The following TXNDC8 variants were observed in gnomAD, a reference collection of about 807,000 sequenced individuals.
TXNDC8 encodes thioredoxin domain containing 8.
In TXNDC8, 15 loss-of-function variants were observed where a neutral mutation model predicts 12.9. The observed-to-expected ratio is 1.16, with a 90% CI of 0.78 to 1.79. The LOEUF is 1.79. Ranked by LOEUF, TXNDC8 falls within the 40% of genes most tolerant of loss-of-function variation. The pLI is 0.00. For synonymous variants in TXNDC8, 40 were observed against 35.4 expected (o/e 1.13, Z -0.46); for missense variants, 128 against 113.2 (o/e 1.13, Z -0.59).
intron 3 of TXNDC8, chr9:110,324,028 C>T (rs1839214025): frequency 6.5e-7 from 1 of 1,545,338 alleles, no homozygotes; most frequent in African/African-American, 1.4e-5. Flanking sequence ...GATAAGAATG[C>T]AAAAGGGAGT....
intron 3 of TXNDC8, among the ~76,000 whole-genome samples, chr9:110,319,591 G>T (rs1254076282): frequency 2.0e-5 from 3 of 152,228 alleles, no homozygotes; most frequent in Non-Finnish European, 4.4e-5. Context: ...ACCTGCAGTT[G>T]TCTGACTCTA....
At chr9:110,336,028 A>T (rs1020098826) in intron 1 of TXNDC8, among the ~76,000 whole-genome samples, 1 of 152,160 alleles carries the variant, frequency 6.6e-6, no homozygotes, top group African/African-American at 2.4e-5. Flanking sequence ...CAGTCTAAAA[A>T]TATCTGACGG....
chr9:110,329,005 A>C (rs1419220200), intron 2 of TXNDC8, among the ~76,000 whole-genome samples: 1 of 152,158 alleles, frequency 6.6e-6, no homozygotes, highest in Non-Finnish European at 1.5e-5. Context: ...AAGAGGGGAG[A>C]GGGGTATCAG....
At chr9:110,334,797 G>A (rs1839684482) in intron 1 of TXNDC8, among the ~76,000 whole-genome samples, 1 of 151,984 alleles carries the variant, frequency 6.6e-6, no homozygotes, top group Non-Finnish European at 1.5e-5. Context: ...CTATAATACT[G>A]GATTTTTATT....
rs191715894 is a variant in TXNDC8 at position 110,323,071 on chromosome 9, G to C, written c.195+3104C>G. 4.1e-6 allele frequency: 4 copies of C among 985,386 alleles called. No individual in the cohort carries two copies. The South Asian group carries it at 1.4e-4, about 35-fold the overall frequency. 61.0% of individuals were successfully genotyped at this position (985,386 alleles called of 1,614,324 possible). ...AGCCTTGATTCTATAGGCAATGGAG[G>C]GGGAGGACATCACATGTTAAAAAAG... is the stretch of plus-strand genomic sequence containing the variant. On this transcript the variant is annotated intron_variant, in intron 3 of 4. Coordinates refer to ENST00000423740, the MANE Select transcript of TXNDC8 (RefSeq NM_001286946.2).
intron 3 of TXNDC8, among the ~76,000 whole-genome samples, chr9:110,311,338 G>A (rs1473505700): frequency 6.6e-6 from 1 of 150,606 alleles, no homozygotes; most frequent in East Asian, 1.9e-4. Context: ...TCATTATTTG[G>A]GTATTTTTCA....
At chr9:110,305,801 TCTTTTCTTTC>T (rs757434706) in intron 3 of TXNDC8, among the ~76,000 whole-genome samples, 17,083 of 139,482 alleles carry the variant, frequency 0.12, 1,890 homozygotes, top group African/African-American at 0.24. Context: ...TCTTTTCTTT[TCTTTTCTTTC>T]CTTTCCTTTC....
At chr9:110,308,315 A>G (rs776714532) in intron 3 of TXNDC8, among the ~76,000 whole-genome samples, 6 of 152,202 alleles carry the variant, frequency 3.9e-5, no homozygotes, top group Non-Finnish European at 5.9e-5. Context: ...GTTGCTCCCA[A>G]CAAGGGAGAC....
chr9:110,322,951 C>T (rs1005793190), intron 3 of TXNDC8: 2 of 985,226 alleles, frequency 2.0e-6, no homozygotes, highest in East Asian at 1.1e-4. Flanking sequence ...GAGAAAAATA[C>T]ATGAAGATCT....
chr9:110,321,442 G>A (rs181002448), intron 3 of TXNDC8, among the ~76,000 whole-genome samples: 29 of 152,300 alleles, frequency 1.9e-4, no homozygotes, highest in African/African-American at 7.0e-4. Context: ...ACATTTAAAA[G>A]GGTATAATGG....
At chr9:110,330,543 C>T (rs1839508900) in intron 2 of TXNDC8, among the ~76,000 whole-genome samples, 1 of 152,220 alleles carries the variant, frequency 6.6e-6, no homozygotes, top group Non-Finnish European at 1.5e-5. Context: ...TTCCCCCGAT[C>T]ACATCATACA....
intron 3 of TXNDC8, among the ~76,000 whole-genome samples, chr9:110,313,548 A>C (rs1172666518): frequency 6.6e-6 from 1 of 152,134 alleles, no homozygotes; most frequent in Non-Finnish European, 1.5e-5. Flanking sequence ...TAAAAATACA[A>C]AAATTAGCCA....
At chr9:110,303,458 G>A, downstream of TXNDC8, 1 of 1,487,180 alleles carries the variant, frequency 6.7e-7, no homozygotes, top group East Asian at 2.6e-5. Context: ...GGAAATGAAA[G>A]CACAAACACA....
At chr9:110,306,388 G>C (rs1459675848) in intron 3 of TXNDC8, among the ~76,000 whole-genome samples, 1 of 152,136 alleles carries the variant, frequency 6.6e-6, no homozygotes, top group African/African-American at 2.4e-5. Flanking sequence ...CTCCAGTCTT[G>C]TGCCACTTAG....
At chr9:110,311,540 T>TATAC (rs1464681624) in intron 3 of TXNDC8, among the ~76,000 whole-genome samples, 16 of 123,510 alleles carry the variant, frequency 1.3e-4, no homozygotes, top group Non-Finnish European at 1.8e-4. Context: ...TATATATATA[T>TATAC]ATATATATAT....
chr9:110,328,323 T>C (rs376591895), intron 2 of TXNDC8, among the ~76,000 whole-genome samples: 1 of 152,300 alleles, frequency 6.6e-6, no homozygotes, highest in South Asian at 2.1e-4. Context: ...AGACACACTT[T>C]GTTTGAGGTT....
At position 110,315,407 on chromosome 9, in the gene TXNDC8, T is replaced by G. The variant is rs185905309; in HGVS notation, c.195+10768A>C. Among the ~76,000 whole-genome samples, 643 of 152,126 alleles carry G rather than the reference T, an allele frequency of 4.2e-3. 8 individuals are homozygous for G. Among genetic ancestry groups the G allele is most frequent in the African/African-American group, 0.015 (614 of 41,482 alleles). ...GCCACTGCACCCAGCCCGGGGCAAT[T>G]TTTTTTAATGCCAAAGACATTGAAT... On this transcript the variant is annotated intron_variant, in intron 3 of 4. Transcript: ENST00000423740.
At chr9:110,332,963 G>A (rs949290977) in intron 2 of TXNDC8, among the ~76,000 whole-genome samples, 2 of 152,226 alleles carry the variant, frequency 1.3e-5, no homozygotes, top group Admixed American at 1.3e-4. Context: ...ATCATGCTAA[G>A]TGAAACGAGT....
At chr9:110,305,546 TTTTCTTTCTTTCTTTC>T (rs201277248) in intron 3 of TXNDC8, among the ~76,000 whole-genome samples, 2,380 of 115,478 alleles carry the variant, frequency 0.021, 30 homozygotes, top group East Asian at 0.05. Flanking sequence ...TGTATTTTCT[TTTTCTTTCTTTCTTTC>T]TTTCTTTCTT....
Sources: gnomAD v4.1 joint callset for allele counts (sites outside exome capture counted in the v4.1 genomes callset) on GRCh38, gnomAD v4.1.1 for gene constraint, MANE v1.5 for transcripts, NCBI Gene and HGNC (gene_info 2026-07-23, HGNC 2026-07-21) for gene names.